UMODL1: variants seen among roughly 807,000 people sequenced by gnomAD.
The protein encoded by UMODL1 is uromodulin-like 1.
In UMODL1, 128 loss-of-function variants were observed where a neutral mutation model predicts 136.3. The observed-to-expected ratio is 0.94, with a 90% CI of 0.81 to 1.09. UMODL1 has a LOEUF of 1.09. UMODL1 is among the 50% of genes least tolerant of loss of function. The pLI is 0.00. For missense variants in UMODL1, 1,766 were observed against 1,725.6 expected (o/e 1.02, Z -0.41); for synonymous variants, 721 against 720.0 (o/e 1.00, Z -0.02).
intron 8 of UMODL1, chr21:42,103,431 C>T (rs983855889): frequency 4.0e-5 from 14 of 347,190 alleles, no homozygotes; most frequent in Admixed American, 1.9e-4. Flanking sequence ...GCTCTGTGTG[C>T]GTGTTTTGTG....
At chr21:42,141,984 G>A (rs948467913) in intron 22 of UMODL1, 112 bp from the exon 23 acceptor site, 8 of 152,214 alleles carry the variant, frequency 5.3e-5, no homozygotes, top group African/African-American at 1.2e-4. Flanking sequence ...AAACATAGAC[G>A]CCATGTCCTC....
At chr21:42,093,656 C>T (rs2066519742) in intron 6 of UMODL1, 1 of 285,078 alleles carries the variant, frequency 3.5e-6, no homozygotes, top group African/African-American at 2.2e-5. Flanking sequence ...CCCCTCCTAT[C>T]AGAATGAGGC....
intron 2 of UMODL1, among the ~76,000 whole-genome samples, chr21:42,076,470 G>A (rs1232553030): frequency 6.6e-6 from 1 of 152,162 alleles, no homozygotes; most frequent in East Asian, 1.9e-4. Context: ...TTGCCCTCCT[G>A]ACAAGTTCCT....
chr21:42,109,034 A>C (rs1166177157), intron 9 of UMODL1, among the ~76,000 whole-genome samples: 3 of 76,360 alleles, frequency 3.9e-5, no homozygotes, highest in African/African-American at 5.7e-5. Context: ...GTTATACTCC[A>C]CTGGCCCCCA....
chr21:42,125,875 C>G (rs1305555005), intron 17 of UMODL1, among the ~76,000 whole-genome samples: 1 of 152,220 alleles, frequency 6.6e-6, no homozygotes, highest in African/African-American at 2.4e-5. Flanking sequence ...ACAGCGCCTC[C>G]CAGGACTGGG....
chr21:42,093,572 G>A (rs2066518263), intron 6 of UMODL1: 1 of 223,400 alleles, frequency 4.5e-6, no homozygotes, highest in Non-Finnish European at 9.1e-6. Flanking sequence ...TTGGGGGAGT[G>A]GACCAGTTCC....
chr21:42,080,420 G>A (rs1601182835), intron 2 of UMODL1, among the ~76,000 whole-genome samples: 1 of 152,136 alleles, frequency 6.6e-6, no homozygotes, highest in South Asian at 2.1e-4. Flanking sequence ...GGGGGTCTGC[G>A]CCTCGGAGTC....
intron 9 of UMODL1, among the ~76,000 whole-genome samples, chr21:42,106,104 A>G (rs1358834269): frequency 1.3e-5 from 2 of 151,692 alleles, no homozygotes; most frequent in African/African-American, 4.8e-5. Flanking sequence ...GTGACGCCTC[A>G]GGCCGTGCAT....
chr21:42,106,552 C>T (rs891919528), intron 9 of UMODL1, among the ~76,000 whole-genome samples: 7 of 152,212 alleles, frequency 4.6e-5, no homozygotes, highest in Admixed American at 1.3e-4. Flanking sequence ...ACCCTTAGGC[C>T]GTCCATCCCG....
Position 42,110,984 on chromosome 21 carries a change from T to G in UMODL1, c.1762T>G (p.Leu588Val), listed in dbSNP as rs1194810655. ...TAALGLENFT[L>V]SPSPGYPQGT... ...AGCCCTCGGCCTAGAGAACTTCACC[T>G]TGTCACCCAGTCCTGGGTACCCTCA... is the stretch of plus-strand genomic sequence containing the variant. The change falls in exon 11 of 23, where the codon TTG becomes GTG. Residue 588 changes from leucine to valine, a missense_variant. Leu to Val is a conservative substitution (Grantham distance 32, BLOSUM62 1). Transcript: ENST00000408910. 6.2e-7 allele frequency: 1 copy of G among 1,613,016 alleles called. No homozygotes were observed. Among genetic ancestry groups the G allele is most frequent in the Non-Finnish European group, 8.5e-7 (1 of 1,179,758 alleles).
chr21:42,100,057 C>G (rs1300642808), intron 7 of UMODL1, among the ~76,000 whole-genome samples: 4 of 152,164 alleles, frequency 2.6e-5, no homozygotes, highest in African/African-American at 9.7e-5. Flanking sequence ...GTCTTGCTCC[C>G]CACTTGCCTG....
chr21:42,071,352 G>C lies in UMODL1; in HGVS notation c.36G>C (p.Leu12=). The C allele has an allele frequency of 6.3e-7, 1 of 1,598,022 alleles. No individual in the cohort carries two copies. The highest frequency in any genetic ancestry group is 8.5e-7 in the Non-Finnish European group (1 of 1,172,540). The change falls in exon 1 of 23, where the codon CTG becomes CTC. Residue 12 remains leucine (L), a synonymous_variant. Transcript: ENST00000408910. The part of the protein sequence containing the change: ...LRTSGLALLA[L]VSAVGPSQAS... ...CCTCGGGGCTGGCACTGCTGGCTCT[G>C]GTCAGTGCTGTGGGCCCAAGCCAGG...
chr21:42,094,342 T>G (rs1257440707), intron 6 of UMODL1, among the ~76,000 whole-genome samples: 3 of 152,134 alleles, frequency 2.0e-5, no homozygotes, highest in African/African-American at 7.2e-5. Flanking sequence ...CAGAGATGAG[T>G]CACGGCTGCC....
In UMODL1 at chr21:42,085,255, C is replaced by G. The variant is rs752897072; in HGVS notation, c.482-36C>G. 3 of 1,608,692 alleles carry G rather than the reference C, an allele frequency of 1.9e-6. No homozygotes were observed. In the South Asian group the frequency reaches 3.3e-5, roughly 18 times the overall value. On this transcript the variant is annotated intron_variant, in intron 3 of 22. Coordinates refer to ENST00000408910, the MANE Select transcript of UMODL1 (RefSeq NM_001004416.3). This position sits in a 1 kb window ranked among gnomAD's most constrained non-coding sequence, Gnocchi z 4.5. Reference sequence around the variant, plus strand: ...GCAGCTTTTGTGACTTCAACCTGTCCTGGGTCCATAATCATCAGTGTTTTC... The same window carrying G: ...GCAGCTTTTGTGACTTCAACCTGTCGTGGGTCCATAATCATCAGTGTTTTC...
intron 9 of UMODL1, among the ~76,000 whole-genome samples, chr21:42,109,260 T>C (rs2066780334): frequency 6.6e-6 from 1 of 152,134 alleles, no homozygotes; most frequent in Admixed American, 6.5e-5. Flanking sequence ...GAGAAAACAT[T>C]TCAAGTTTTG....
At chr21:42,136,282 GAGTGTTTTATAGCCACCAACTCCATGT>G (rs1348499240) in intron 21 of UMODL1, among the ~76,000 whole-genome samples, 1 of 152,200 alleles carries the variant, frequency 6.6e-6, no homozygotes, top group African/African-American at 2.4e-5. Flanking sequence ...AGTACATTGA[GAGTGTTTTATAGCCACCAACTCCATGT>G]AGTTTCAAAA....
chr21:42,110,785 G>A, intron 10 of UMODL1, 95 bp from the exon 11 acceptor site: 1 of 1,252,040 alleles, frequency 8.0e-7, no homozygotes. Context: ...CCGGGATGCA[G>A]AGCAGTCCTG....
chr21:42,099,192 A>C lies in UMODL1; in HGVS notation c.1186+12A>C. The C allele has an allele frequency of 6.2e-7, 1 of 1,608,340 alleles. No individual in the cohort carries two copies. The highest frequency in any genetic ancestry group is 8.5e-7 in the Non-Finnish European group (1 of 1,176,806). On this transcript the variant is annotated intron_variant, in intron 7 of 22. Transcript: ENST00000408910. This position sits in a 1 kb window ranked among gnomAD's most constrained non-coding sequence, Gnocchi z 4.1. ...GACCATCAAAACCAGTAAGGCCCCC[A>C]GTCAGAGACCCACGTTAGCTTGCGA...
At chr21:42,134,622 T>A (rs12483133) in intron 21 of UMODL1, among the ~76,000 whole-genome samples, 43,283 of 151,928 alleles carry the variant, frequency 0.28, 7,500 homozygotes, top group Non-Finnish European at 0.4. Flanking sequence ...TTAATTAATT[T>A]ATTTATTTTT....
Sources: allele counts gnomAD v4.1 joint callset (sites outside exome capture counted in the v4.1 genomes callset), GRCh38; gene constraint gnomAD v4.1.1; non-coding constraint Gnocchi (gnomAD v3.1); transcripts MANE v1.5; gene names NCBI Gene and HGNC (gene_info 2026-07-23, HGNC 2026-07-21).